Variants in ERBB4 observed in about 807,000 individuals in gnomAD.
ERBB4 encodes the protein erb-b2 receptor tyrosine kinase 4, also known as receptor tyrosine-protein kinase erbB-4.
In ERBB4, 42 loss-of-function variants were observed where a neutral mutation model predicts 158.0. The ratio of observed to expected loss-of-function variants is 0.27; its 90% CI spans 0.21 to 0.34. The LOEUF (loss-of-function observed/expected upper bound fraction) is 0.34, where lower values mean the gene tolerates loss of function less well. Ranked by LOEUF, ERBB4 falls within the 10% of genes least tolerant of loss-of-function variation. The pLI, the probability that ERBB4 is intolerant of heterozygous loss-of-function variation, is 1.00. For missense variants in ERBB4, 1,333 were observed against 1,624.1 expected, an observed-to-expected ratio of 0.82 and a Z score of 3.08; for synonymous variants, 583 against 558.7, an observed-to-expected ratio of 1.04 and a Z score of -0.61.
intron 3 of ERBB4, among the ~76,000 whole-genome samples, chr2:211,839,982 C>T (rs2077434683): frequency 6.6e-6 from 1 of 152,056 alleles, no homozygotes; most frequent in African/African-American, 2.4e-5. Flanking sequence ...ATTCTCCAGT[C>T]CTGTTACATG....
At chr2:212,268,745 A>C (rs1034430891) in intron 1 of ERBB4, among the ~76,000 whole-genome samples, 1 of 151,874 alleles carries the variant, frequency 6.6e-6, no homozygotes, top group African/African-American at 2.4e-5. Context: ...TTTATAAAAA[A>C]CAGCTGGTGA....
At chr2:212,101,282 G>A (rs13017857) in intron 2 of ERBB4, among the ~76,000 whole-genome samples, 60,602 of 149,776 alleles carry the variant, frequency 0.4, 13,057 homozygotes, top group Non-Finnish European at 0.48. Flanking sequence ...TATGAATAAA[G>A]TTACATGTGG....
chr2:212,123,089 C>T (rs1445127931), intron 2 of ERBB4, among the ~76,000 whole-genome samples: 1 of 152,180 alleles, frequency 6.6e-6, no homozygotes, highest in Admixed American at 6.5e-5. Flanking sequence ...CTTCTTTGAA[C>T]AACAGCTCCC....
intron 9 of ERBB4, among the ~76,000 whole-genome samples, chr2:211,706,606 A>C (rs554891614): frequency 3.0e-4 from 45 of 150,070 alleles, no homozygotes; most frequent in South Asian, 6.3e-4. Flanking sequence ...AAAAACAAAA[A>C]AAAAAAAAAC....
rs1437375123 is a variant in ERBB4, at chr2:211,376,170, T to C, written c.*7445A>G. 4.3e-6 allele frequency: 1 copy of C among 233,016 alleles called. No homozygotes were observed. The highest frequency in any genetic ancestry group is 8.5e-6 in the Non-Finnish European group (1 of 117,746). The allele number at this position is 233,016 out of a possible 1,614,324, so 14.4% of individuals were successfully genotyped here. A position where few individuals can be genotyped will look rare whatever the true frequency, so the allele number is the denominator to read the frequency against. On this transcript the variant is annotated 3_prime_UTR_variant, in exon 28 of 28. Transcript: ENST00000342788. ...CACACACAATTGGCATATCCTATTG[T>C]GTAAGCGAGTGCAGAGGTTGAACAC...
intron 20 of ERBB4, among the ~76,000 whole-genome samples, chr2:211,529,586 C>A (rs562770646): frequency 6.6e-6 from 1 of 152,034 alleles, no homozygotes; most frequent in East Asian, 1.9e-4. Flanking sequence ...AACACTGATG[C>A]AAAAATTTTT....
intron 3 of ERBB4, among the ~76,000 whole-genome samples, chr2:211,909,747 T>C (rs1179250907): frequency 6.6e-6 from 1 of 151,776 alleles, no homozygotes; most frequent in African/African-American, 2.4e-5. Context: ...TATGTGTGTT[T>C]GTGTGTATGT....
At chr2:212,005,939 A>T (rs2076248913) in intron 2 of ERBB4, among the ~76,000 whole-genome samples, 1 of 152,138 alleles carries the variant, frequency 6.6e-6, no homozygotes, top group South Asian at 2.1e-4. Context: ...ATAAATACAT[A>T]AATAACACTA....
At position 211,594,053 on chromosome 2, in the gene ERBB4, A is replaced by T. The variant is rs2068554537; in HGVS notation, c.2301+25124T>A. Among the ~76,000 whole-genome samples the T allele has an allele frequency of 2.0e-5, 3 of 152,066 alleles. 1 individual carries two copies. The South Asian group carries it at 6.2e-4, about 32-fold the overall frequency. On this transcript the variant is annotated intron_variant, in intron 19 of 27. Transcript: ENST00000342788. ...AGCCACAGCTGTTAATCCCAAAGTC[A>T]TTCTCCAATAACATTTTGCACACTA... is the stretch of plus-strand genomic sequence containing the variant.
At chr2:211,517,903 C>T (rs1290447384) in intron 20 of ERBB4, among the ~76,000 whole-genome samples, 1 of 152,032 alleles carries the variant, frequency 6.6e-6, no homozygotes, top group Non-Finnish European at 1.5e-5. Flanking sequence ...CTTTTATAGT[C>T]AAGCCTCTCA....
At chr2:212,499,643 G>A (rs1690772697) in intron 1 of ERBB4, among the ~76,000 whole-genome samples, 2 of 152,084 alleles carry the variant, frequency 1.3e-5, no homozygotes, top group African/African-American at 4.8e-5. Context: ...ACAGAAAGAG[G>A]AGGATGATAG....
chr2:211,900,691 C>A (rs1408431302), intron 3 of ERBB4, among the ~76,000 whole-genome samples: 1 of 152,104 alleles, frequency 6.6e-6, no homozygotes, highest in Non-Finnish European at 1.5e-5. Flanking sequence ...TACTAAGGCT[C>A]TATACAGGAC....
intron 3 of ERBB4, among the ~76,000 whole-genome samples, chr2:211,796,755 A>G (rs191948814): frequency 1.9e-3 from 291 of 151,960 alleles, no homozygotes; most frequent in Non-Finnish European, 3.6e-3. Context: ...ATTTCTGTTT[A>G]CTCCAAGAAA....
intron 1 of ERBB4, among the ~76,000 whole-genome samples, chr2:212,485,484 AAATG>A (rs1201068912): frequency 5.9e-5 from 9 of 152,222 alleles, no homozygotes; most frequent in Non-Finnish European, 1.0e-4. Flanking sequence ...TGAATTGTCA[AAATG>A]AACTAACCAG....
At chr2:211,654,478 A>C (rs1252078517) in intron 16 of ERBB4, among the ~76,000 whole-genome samples, 2 of 152,350 alleles carry the variant, frequency 1.3e-5, no homozygotes, top group Non-Finnish European at 1.5e-5. Context: ...TGAAATGCTT[A>C]AAACCTGAGT....
chr2:211,576,000 C>T (rs908692838), intron 19 of ERBB4, among the ~76,000 whole-genome samples: 1 of 152,010 alleles, frequency 6.6e-6, no homozygotes, highest in African/African-American at 2.4e-5. Flanking sequence ...AATATTAATG[C>T]TGGTGTTATT....
At chr2:212,199,244 G>A (rs759489212) in intron 1 of ERBB4, among the ~76,000 whole-genome samples, 23 of 152,172 alleles carry the variant, frequency 1.5e-4, no homozygotes, top group Admixed American at 2.6e-4. Context: ...TCACAGATAC[G>A]TACTTTGACT....
chr2:211,460,563 T>A (rs1166546687), intron 20 of ERBB4, among the ~76,000 whole-genome samples: 1 of 152,160 alleles, frequency 6.6e-6, no homozygotes, highest in Non-Finnish European at 1.5e-5. Flanking sequence ...CAAATCAACA[T>A]AATTTGCCAG....
intron 1 of ERBB4, among the ~76,000 whole-genome samples, chr2:212,430,737 G>C (rs1204956312): frequency 6.6e-6 from 1 of 152,098 alleles, no homozygotes; most frequent in Non-Finnish European, 1.5e-5. Context: ...ATCTTGTTTA[G>C]CATGAGACAG....
Sources: gnomAD v4.1 joint callset for allele counts (sites outside exome capture counted in the v4.1 genomes callset) on GRCh38, gnomAD v4.1.1 for gene constraint, MANE v1.5 for transcripts, NCBI Gene and HGNC (gene_info 2026-07-23, HGNC 2026-07-21) for gene names.